ATP2C2: variants seen among roughly 807,000 people sequenced by gnomAD.
The protein encoded by ATP2C2 is ATPase secretory pathway Ca2+ transporting 2, also known as calcium-transporting ATPase type 2C member 2.
A neutral mutation model predicts 110.8 loss-of-function variants in ATP2C2; 171 were observed. That is an observed-to-expected ratio of 1.54 (90% CI 1.36 to 1.75). The LOEUF is 1.75. Ranked by LOEUF, ATP2C2 falls within the 40% of genes most tolerant of loss-of-function variation. The probability of loss-of-function intolerance (pLI) is 0.00; values close to 1 mark genes in which losing one functional copy is unlikely to be tolerated. For synonymous variants in ATP2C2, 804 were observed against 508.4 expected (o/e 1.58, Z -7.82); for missense variants, 1,963 against 1,235.0 (o/e 1.59, Z -8.84).
chr16:84,393,812 G>A (rs1025249794), intron 1 of ATP2C2, among the ~76,000 whole-genome samples: 1 of 151,758 alleles, frequency 6.6e-6, no homozygotes, highest in African/African-American at 2.4e-5. Flanking sequence ...CAGGAGGACG[G>A]TTTCTAAGTG....
At chr16:84,461,399 G>C (rs890398417) in intron 24 of ATP2C2, 3 of 491,238 alleles carry the variant, frequency 6.1e-6, no homozygotes, top group Admixed American at 3.6e-5. Context: ...TGTAGGAAAT[G>C]ACCTTCACTC....
intron 3 of ATP2C2, among the ~76,000 whole-genome samples, chr16:84,405,783 G>C (rs1022738187): frequency 1.3e-5 from 2 of 152,156 alleles, no homozygotes; most frequent in Admixed American, 6.5e-5. Flanking sequence ...AGCCGGATGT[G>C]GTAGTGGATG....
Position 84,460,990 on chromosome 16 carries a change from G to T in ATP2C2, c.2481+189G>T, listed in dbSNP as rs543593525. 5 of 795,688 alleles carry T rather than the reference G, an allele frequency of 6.3e-6. No homozygotes were observed. In the South Asian group the frequency reaches 1.2e-4, roughly 19 times the overall value. 49.3% of individuals were successfully genotyped at this position (795,688 alleles called of 1,614,324 possible). On this transcript the variant is annotated intron_variant, in intron 24 of 26. Transcript: ENST00000262429. ...GGGACTGGGTGACCCTTGAAAGAAGGGAGGTCGCCAGGTGTGTGCCTGGGA... is the reference window on the plus strand; with the variant it reads ...GGGACTGGGTGACCCTTGAAAGAAGTGAGGTCGCCAGGTGTGTGCCTGGGA...
chr16:84,455,620 TG>T lies in ATP2C2; in HGVS notation c.2147+641del, dbSNP rs34713286. ...TCATAAGCTAATCGCAGTGGTTAGT[TG>T]GGGGTGAGGGAAAACTTTTTAAGCC... On this transcript the variant is annotated intron_variant, in intron 21 of 26. Transcript: ENST00000262429. Among the ~76,000 whole-genome samples, 458 of 152,186 alleles carry T rather than the reference TG, an allele frequency of 3.0e-3. 3 individuals carry two copies. The highest frequency in any genetic ancestry group is 6.1e-3 in the Admixed American group (94 of 15,290).
Position 84,422,681 on chromosome 16 carries a change from T to G in ATP2C2, c.827T>G (p.Met276Arg). 6.2e-7 allele frequency: 1 copy of G among 1,612,868 alleles called. No individual in the cohort carries two copies. Residue 276 changes from methionine (M) to arginine (R), a missense_variant, in exon 9 of 27, where the codon ATG (methionine) becomes AGG (arginine). Coordinates refer to ENST00000262429, the MANE Select transcript of ATP2C2 (RefSeq NM_014861.4). ...ESSQFGEVFKMMQAEETPKTP... is the reference protein window; with the variant it reads ...ESSQFGEVFKRMQAEETPKTP... ...TCTCAGTTCGGAGAAGTGTTTAAGATGATGCAGGCTGAAGAGGTAAGGGGC... is the reference window on the plus strand; with the variant it reads ...TCTCAGTTCGGAGAAGTGTTTAAGAGGATGCAGGCTGAAGAGGTAAGGGGC...
At position 84,458,780 on chromosome 16, in the gene ATP2C2, C is replaced by G. The variant is rs151321575; in HGVS notation, c.2148-340C>G. On this transcript the variant is annotated intron_variant, in intron 21 of 26. Coordinates refer to ENST00000262429, the MANE Select transcript of ATP2C2 (RefSeq NM_014861.4). Reference sequence around the variant, plus strand: ...CGTCTCTCTCTCCTCTTTGGTAAATCGCGGAGATGCACGGCGCACTTCGGG... The same window carrying G: ...CGTCTCTCTCTCCTCTTTGGTAAATGGCGGAGATGCACGGCGCACTTCGGG... Among the ~76,000 whole-genome samples the G allele has an allele frequency of 7.4e-3, 1,126 of 152,308 alleles. 15 individuals carry two copies. Among genetic ancestry groups the G allele is most frequent in the African/African-American group, 0.026 (1,083 of 41,566 alleles).
intron 1 of ATP2C2, among the ~76,000 whole-genome samples, chr16:84,397,193 C>T (rs1283499190): frequency 6.6e-6 from 1 of 151,764 alleles, no homozygotes; most frequent in African/African-American, 2.4e-5. Context: ...CCTCCCGAAG[C>T]CTCCAGGTGT....
At chr16:84,403,183 G>A (rs1340112413) in intron 2 of ATP2C2, among the ~76,000 whole-genome samples, 2 of 150,462 alleles carry the variant, frequency 1.3e-5, no homozygotes, top group East Asian at 3.9e-4. Flanking sequence ...TTTTTTCTTA[G>A]CCTGGCTAAA....
intron 11 of ATP2C2, among the ~76,000 whole-genome samples, chr16:84,435,463 C>A (rs399304): frequency 0.79 from 119,682 of 152,120 alleles, 47,245 homozygotes; most frequent in East Asian, 0.86. Flanking sequence ...TGTTATACCC[C>A]CTTCTTCATG....
At chr16:84,414,443 C>T (rs760395752) in intron 6 of ATP2C2, among the ~76,000 whole-genome samples, 2 of 152,156 alleles carry the variant, frequency 1.3e-5, no homozygotes, top group Non-Finnish European at 2.9e-5. Flanking sequence ...GCCAAACACG[C>T]AAAGGCCCTA....
At chr16:84,452,425 G>T (rs1910371030) in intron 18 of ATP2C2, among the ~76,000 whole-genome samples, 1 of 151,436 alleles carries the variant, frequency 6.6e-6, no homozygotes, top group Non-Finnish European at 1.5e-5. Context: ...TGTACCCTTG[G>T]CAAACCATTG....
chr16:84,460,983 A>C, intron 24 of ATP2C2, 182 bp downstream of exon 24: 1 of 840,330 alleles, frequency 1.2e-6, no homozygotes, highest in South Asian at 2.4e-5. Flanking sequence ...GTGACCCTTG[A>C]AAGAAGGGAG....
chr16:84,416,916 A>T (rs1191641191), intron 7 of ATP2C2, among the ~76,000 whole-genome samples: 3 of 104,460 alleles, frequency 2.9e-5, no homozygotes, highest in Admixed American at 9.0e-5. Context: ...TTCTCCCGAG[A>T]AGGGGGGTCC....
rs541442154 is a variant in ATP2C2, at chr16:84,421,241, G to A, written c.625-1149G>A. Reference sequence around the variant, plus strand: ...CAGAGCTGGAGCCGCGGGAGCCACAGGGAGGTGGGAATGTGACTGCGCAGC... The same window carrying A: ...CAGAGCTGGAGCCGCGGGAGCCACAAGGAGGTGGGAATGTGACTGCGCAGC... On this transcript the variant is annotated intron_variant, in intron 7 of 26. Coordinates refer to ENST00000262429, the MANE Select transcript of ATP2C2 (RefSeq NM_014861.4). Among the ~76,000 whole-genome samples the A allele has an allele frequency of 1.1e-4, 17 of 152,340 alleles. No homozygotes were observed. The South Asian group carries it at 1.7e-3, about 15-fold the overall frequency.
intron 6 of ATP2C2, 121 bp from the exon 7 acceptor site, chr16:84,415,362 A>T: frequency 2.5e-6 from 2 of 802,666 alleles, no homozygotes; most frequent in Non-Finnish European, 4.3e-6. Context: ...CCCCAAAGGC[A>T]CAGGGTTGGT....
At chr16:84,450,144 C>T (rs1180915833) in intron 17 of ATP2C2, among the ~76,000 whole-genome samples, 1 of 152,246 alleles carries the variant, frequency 6.6e-6, no homozygotes, top group African/African-American at 2.4e-5. Flanking sequence ...CTTTTCCTGT[C>T]TTCCCCCAGT....
chr16:84,437,628 G>T (rs928875667), intron 11 of ATP2C2, among the ~76,000 whole-genome samples: 3 of 152,288 alleles, frequency 2.0e-5, no homozygotes, highest in Non-Finnish European at 4.4e-5. Flanking sequence ...CAATTCTCCT[G>T]CCTCAGCCTC....
At chr16:84,399,917 C>T (rs987563086) in intron 2 of ATP2C2, among the ~76,000 whole-genome samples, 9 of 152,178 alleles carry the variant, frequency 5.9e-5, no homozygotes, top group Non-Finnish European at 4.4e-5. Flanking sequence ...CTCCCAACTA[C>T]CCTTTCCAGG....
chr16:84,458,694 C>T (rs1910935186), intron 21 of ATP2C2, among the ~76,000 whole-genome samples: 1 of 152,222 alleles, frequency 6.6e-6, no homozygotes, highest in Non-Finnish European at 1.5e-5. Flanking sequence ...CCTTCAGCCT[C>T]CCCATCCCTC....
Sources: allele counts gnomAD v4.1 joint callset (sites outside exome capture counted in the v4.1 genomes callset), GRCh38; gene constraint gnomAD v4.1.1; transcripts MANE v1.5; gene names NCBI Gene and HGNC (gene_info 2026-07-23, HGNC 2026-07-21).